KLHL2: variants seen among roughly 807,000 people sequenced by gnomAD.
KLHL2 encodes the protein kelch like family member 2, also known as kelch-like protein 2.
Under a neutral mutation model 75.8 loss-of-function variants are expected in KLHL2, and 15 were observed. The observed-to-expected ratio is 0.20, with a 90% CI of 0.13 to 0.30. The LOEUF (loss-of-function observed/expected upper bound fraction) is 0.30. Among genes scored for constraint, KLHL2 ranks in the 10% least tolerant of loss-of-function variants. The probability of loss-of-function intolerance (pLI) is 1.00; values close to 1 mark genes in which losing one functional copy is unlikely to be tolerated. For missense variants in KLHL2, 381 were observed against 741.0 expected (o/e 0.51, Z 5.64); for synonymous variants, 214 against 251.9 (o/e 0.85, Z 1.42).
chr4:165,237,860 G>A lies in KLHL2; in HGVS notation c.260-918G>A, dbSNP rs532312269. Among the ~76,000 whole-genome samples, 562 of 142,564 alleles carry A rather than the reference G, an allele frequency of 3.9e-3. 3 individuals carry two copies. Among genetic ancestry groups the A allele is most frequent in the African/African-American group, 0.014 (530 of 38,206 alleles). The allele number at this position is 142,564 out of a possible 152,430, so 93.5% of individuals were successfully genotyped here. A position where few individuals can be genotyped will look rare whatever the true frequency, so the allele number is the denominator to read the frequency against. On this transcript the variant is annotated intron_variant, in intron 3 of 14. Transcript: ENST00000226725. ...TTTTTAATTGAATCCCTCCCCACCC[G>A]CATTCAATTGCTTGTGTCTCCATGT...
At chr4:165,318,081 T>C in intron 14 of KLHL2, 112 bp downstream of exon 14, 2 of 914,604 alleles carry the variant, frequency 2.2e-6, no homozygotes, top group Non-Finnish European at 3.4e-6. Flanking sequence ...AAGGTATAGT[T>C]TATATCTTAT....
At position 165,294,364 on chromosome 4, in the gene KLHL2, C is replaced by A; in HGVS notation, c.550C>A (p.His184Asn). 1 of 1,594,654 alleles carries A rather than the reference C, an allele frequency of 6.3e-7. No individual in the cohort carries two copies. The highest frequency in any genetic ancestry group is 8.6e-7 in the Non-Finnish European group (1 of 1,163,052). The change falls in exon 6 of 15, where the codon CAT (histidine) becomes AAT (asparagine). Residue 184 changes from histidine to asparagine, a missense_variant. Around this residue, in one of 5 missense-constraint regions of KLHL2, gnomAD observed 111 missense variants for 150.1 expected, o/e 0.74. Transcript: ENST00000226725. ...LNKANTYAEQ[H>N]FADVVLSEEF... ...TCTTTTTAATTCCCAAACAGAGCAA[C>A]ATTTTGCAGATGTTGTACTTAGTGA...
chr4:165,234,235 C>G (rs936231897), intron 3 of KLHL2, among the ~76,000 whole-genome samples: 2 of 152,130 alleles, frequency 1.3e-5, no homozygotes, highest in African/African-American at 2.4e-5. Flanking sequence ...ACTGAAAATG[C>G]CTGTGTGTCA....
intron 5 of KLHL2, among the ~76,000 whole-genome samples, chr4:165,276,603 A>G (rs1226566719): frequency 1.3e-5 from 2 of 152,076 alleles, no homozygotes; most frequent in Non-Finnish European, 2.9e-5. Context: ...GACTTCTTAT[A>G]ATATGTGACA....
chr4:165,217,146 A>G (rs567295125), intron 1 of KLHL2, among the ~76,000 whole-genome samples: 4 of 152,216 alleles, frequency 2.6e-5, no homozygotes, highest in Non-Finnish European at 5.9e-5. Context: ...AATCCTCAGT[A>G]TAACATTCTT....
intron 4 of KLHL2, among the ~76,000 whole-genome samples, chr4:165,239,264 CTTTTT>C (rs60521648): frequency 1.5e-5 from 2 of 134,848 alleles, no homozygotes; most frequent in Non-Finnish European, 1.6e-5. Flanking sequence ...TTATTTCTGT[CTTTTT>C]TTTTTTTTTT....
chr4:165,261,753 A>C (rs888824471), intron 4 of KLHL2, among the ~76,000 whole-genome samples: 1 of 152,228 alleles, frequency 6.6e-6, no homozygotes, highest in Admixed American at 6.5e-5. Context: ...GAAGGTAAGA[A>C]GTTTGTTACA....
intron 4 of KLHL2, chr4:165,252,750 T>C (rs4144354): frequency 4.6e-5 from 7 of 152,252 alleles, no homozygotes; most frequent in African/African-American, 1.7e-4. Context: ...AATTTGGTCA[T>C]GTAAATGCAT....
chr4:165,298,370 A>G (rs1034744574), intron 7 of KLHL2, among the ~76,000 whole-genome samples: 1 of 152,184 alleles, frequency 6.6e-6, no homozygotes, highest in Non-Finnish European at 1.5e-5. Context: ...GTAATTTAAT[A>G]GTGGCATGCA....
intron 1 of KLHL2, among the ~76,000 whole-genome samples, chr4:165,208,904 C>A (rs893516883): frequency 1.3e-5 from 2 of 152,160 alleles, no homozygotes; most frequent in Non-Finnish European, 1.5e-5. Context: ...CCGATTGTAC[C>A]GCACCAGTCT....
intron 8 of KLHL2, among the ~76,000 whole-genome samples, chr4:165,300,445 C>T (rs1259796352): frequency 6.6e-6 from 1 of 152,062 alleles, no homozygotes; most frequent in African/African-American, 2.4e-5. Context: ...TGCTGTATAC[C>T]ATTTGATGGT....
At chr4:165,243,902 A>C (rs1410105511) in intron 4 of KLHL2, among the ~76,000 whole-genome samples, 3 of 152,362 alleles carry the variant, frequency 2.0e-5, no homozygotes, top group Admixed American at 6.5e-5. Flanking sequence ...AACAGAATAC[A>C]TGTGTACCCT....
At chr4:165,284,031 T>G (rs1743898162) in intron 5 of KLHL2, among the ~76,000 whole-genome samples, 1 of 152,166 alleles carries the variant, frequency 6.6e-6, no homozygotes, top group Non-Finnish European at 1.5e-5. Flanking sequence ...CACCGTGTCC[T>G]TAGGCTGCAC....
intron 5 of KLHL2, among the ~76,000 whole-genome samples, chr4:165,288,928 A>G (rs1744298433): frequency 6.6e-6 from 1 of 151,958 alleles, no homozygotes; most frequent in Non-Finnish European, 1.5e-5. Flanking sequence ...ACTAGTGGTA[A>G]TATAAGAGCA....
chr4:165,218,837 T>C (rs1348500200), intron 1 of KLHL2, among the ~76,000 whole-genome samples: 1 of 152,258 alleles, frequency 6.6e-6, no homozygotes, highest in African/African-American at 2.4e-5. Context: ...TTGCTTGTTC[T>C]TTGATATATA....
In KLHL2 at chr4:165,279,567, C is replaced by A. The variant is rs746590969; in HGVS notation, c.545-14792C>A. On this transcript the variant is annotated intron_variant, in intron 5 of 14. Transcript: ENST00000226725. ...AGTTCAGCTGTTCTTGAATTGAAAACCAAAAAGCGCGTGGAACTGGTGCCT... is the reference window on the plus strand; with the variant it reads ...AGTTCAGCTGTTCTTGAATTGAAAAACAAAAAGCGCGTGGAACTGGTGCCT... The A allele has an allele frequency of 2.5e-6, 4 of 1,598,000 alleles. No individual in the cohort carries two copies. In the African/African-American group the frequency reaches 5.4e-5, roughly 21 times the overall value.
intron 9 of KLHL2, among the ~76,000 whole-genome samples, chr4:165,308,157 A>G (rs1745876269): frequency 6.6e-6 from 1 of 152,138 alleles, no homozygotes; most frequent in African/African-American, 2.4e-5. Flanking sequence ...CCTTCAGTAG[A>G]TTTTTAACAT....
In KLHL2 at chr4:165,224,994, G is replaced by C. The variant is rs1403132728; in HGVS notation, c.153-3813G>C. Among the ~76,000 whole-genome samples the C allele has an allele frequency of 5.9e-5, 9 of 152,278 alleles. No homozygotes were observed. The East Asian group carries it at 1.7e-3, about 29-fold the overall frequency. On this transcript the variant is annotated intron_variant, in intron 2 of 14. Transcript: ENST00000226725. ...CAGTGACAGGTTTTTCTCAGTCTTA[G>C]GAATTCATTCATTTTATATCAGAAG... is the stretch of plus-strand genomic sequence containing the variant.
intron 8 of KLHL2, among the ~76,000 whole-genome samples, chr4:165,300,381 T>TTAGAA (rs1745258311): frequency 6.6e-6 from 1 of 150,902 alleles, no homozygotes; most frequent in South Asian, 2.1e-4. Context: ...GAATTACACA[T>TTAGAA]TAGAACTACA....
Sources: allele counts gnomAD v4.1 joint callset (sites outside exome capture counted in the v4.1 genomes callset), GRCh38; gene constraint gnomAD v4.1.1; regional missense constraint gnomAD v4.1.1; transcripts MANE v1.5; gene names NCBI Gene and HGNC (gene_info 2026-07-23, HGNC 2026-07-21).